Variants in ATP9B observed in about 807,000 individuals in gnomAD.
ATP9B encodes the protein ATPase phospholipid transporting 9B, also known as probable phospholipid-transporting ATPase IIB.
Under a neutral mutation model 146.1 loss-of-function variants are expected in ATP9B, and 110 were observed. The observed-to-expected ratio is 0.75, with a 90% confidence interval of 0.65 to 0.88. The LOEUF (loss-of-function observed/expected upper bound fraction) is 0.88, where lower values mean the gene tolerates loss of function less well. Ranked by LOEUF, ATP9B falls within the 40% of genes least tolerant of loss-of-function variation. ATP9B has a pLI of 0.00. For missense variants in ATP9B, 1,499 were observed against 1,496.4 expected (o/e 1.00, Z -0.03); for synonymous variants, 604 against 569.7 (o/e 1.06, Z -0.86).
chr18:79,125,654 T>C (rs2094272376), intron 4 of ATP9B, among the ~76,000 whole-genome samples: 1 of 152,162 alleles, frequency 6.6e-6, no homozygotes, highest in African/African-American at 2.4e-5. Flanking sequence ...TAGCTTCATA[T>C]TAGTGGTATA....
intron 1 of ATP9B, among the ~76,000 whole-genome samples, chr18:79,075,876 C>T (rs944247945): frequency 6.6e-6 from 1 of 152,148 alleles, no homozygotes; most frequent in African/African-American, 2.4e-5. Flanking sequence ...TATGCTTCAA[C>T]ATTTTTTAGA....
chr18:79,116,945 A>AAAAAAAAAAAAAAAAAT (rs2094093139), intron 4 of ATP9B, among the ~76,000 whole-genome samples: 1 of 136,620 alleles, frequency 7.3e-6, no homozygotes, highest in African/African-American at 2.6e-5. Flanking sequence ...AAAATTAAAA[A>AAAAAAAAAAAAAAAAAT]AAAAAAAAAA....
intron 8 of ATP9B, among the ~76,000 whole-genome samples, chr18:79,182,204 T>C (rs9954401): frequency 0.2 from 31,026 of 152,048 alleles, 4,381 homozygotes; most frequent in African/African-American, 0.41. Context: ...TCCTTGCTGG[T>C]TCACAGGTGC....
intron 15 of ATP9B, among the ~76,000 whole-genome samples, chr18:79,321,438 G>A (rs927449649): frequency 6.6e-6 from 1 of 151,222 alleles, no homozygotes; most frequent in East Asian, 1.9e-4. Context: ...GCTGGAGTGC[G>A]GTGGCACGAT....
intron 15 of ATP9B, among the ~76,000 whole-genome samples, chr18:79,322,114 G>C (rs1342179502): frequency 2.0e-5 from 3 of 152,062 alleles, no homozygotes; most frequent in African/African-American, 7.2e-5. Context: ...GCCTTTTTTG[G>C]TAATGTGGAG....
intron 15 of ATP9B, among the ~76,000 whole-genome samples, chr18:79,327,956 TGCTCTCCGTGGTTAGC>T (rs2096767736): frequency 7.4e-6 from 1 of 134,288 alleles, no homozygotes; most frequent in East Asian, 2.3e-4. Flanking sequence ...GTGGTTAGCG[TGCTCTCCGTGGTTAGC>T]GTGCTCTCTC....
At chr18:79,344,176 A>T in intron 20 of ATP9B, 89 bp from the exon 21 acceptor site, 3 of 1,203,228 alleles carry the variant, frequency 2.5e-6, no homozygotes, top group Non-Finnish European at 3.6e-6. Context: ...AGAACATTCC[A>T]CTGTGACTCT....
chr18:79,253,091 A>C (rs549794555), intron 11 of ATP9B, among the ~76,000 whole-genome samples: 26 of 152,078 alleles, frequency 1.7e-4, no homozygotes, highest in Non-Finnish European at 2.8e-4. Flanking sequence ...CTTGCGTTTC[A>C]CTTTGCCTGA....
chr18:79,359,537 C>T, intron 26 of ATP9B, 75 bp downstream of exon 26: 1 of 1,147,754 alleles, frequency 8.7e-7, no homozygotes, highest in Non-Finnish European at 1.3e-6. Flanking sequence ...GAGAAACAGG[C>T]CAGTCAGGAG....
rs552122971 is a variant in ATP9B at position 79,227,150 on chromosome 18, C to T, written c.1107+13112C>T. 5.9e-5 allele frequency among the ~76,000 whole-genome samples: 9 copies of T among 152,196 alleles called. No homozygotes were observed. The South Asian group carries it at 1.2e-3, about 21-fold the overall frequency. The stretch of plus-strand genomic sequence containing the variant: ...TTAAGCTTTAAGCTGGCCTCTCTGT[C>T]GTACTATCATGAACCCATCATTTTT... On this transcript the variant is annotated intron_variant, in intron 11 of 29. Coordinates refer to ENST00000426216, the MANE Select transcript of ATP9B (RefSeq NM_198531.5).
At chr18:79,192,674 A>T (rs191857172) in intron 8 of ATP9B, among the ~76,000 whole-genome samples, 1 of 152,352 alleles carries the variant, frequency 6.6e-6, no homozygotes, top group East Asian at 1.9e-4. Context: ...TGTCATGAGC[A>T]TGTGATTCAG....
chr18:79,182,537 G>A (rs2095262912), intron 8 of ATP9B, among the ~76,000 whole-genome samples: 1 of 151,966 alleles, frequency 6.6e-6, no homozygotes, highest in Non-Finnish European at 1.5e-5. Flanking sequence ...GGGCTTATGT[G>A]GGGCACATGG....
intron 11 of ATP9B, among the ~76,000 whole-genome samples, chr18:79,224,721 A>C (rs1262342459): frequency 6.6e-6 from 1 of 152,180 alleles, no homozygotes; most frequent in Non-Finnish European, 1.5e-5. Context: ...TCTGCTGAGC[A>C]TGTGTGCCAT....
At chr18:79,200,286 G>A (rs1187526534) in intron 9 of ATP9B, among the ~76,000 whole-genome samples, 2 of 152,188 alleles carry the variant, frequency 1.3e-5, no homozygotes, top group Non-Finnish European at 2.9e-5. Context: ...ATGTTGTTAT[G>A]TTGTACACGA....
chr18:79,074,412 G>A (rs1360485488), intron 1 of ATP9B, among the ~76,000 whole-genome samples: 1 of 152,186 alleles, frequency 6.6e-6, no homozygotes, highest in Non-Finnish European at 1.5e-5. Flanking sequence ...CCTATTGCTG[G>A]TGCCACCTCG....
chr18:79,288,902 C>G (rs907027755), intron 13 of ATP9B, among the ~76,000 whole-genome samples: 9 of 152,240 alleles, frequency 5.9e-5, no homozygotes, highest in Non-Finnish European at 8.8e-5. Flanking sequence ...ATGAAATTCT[C>G]GGTTGAAAAT....
In ATP9B at chr18:79,277,083, CG is replaced by C. The variant is rs755571505; in HGVS notation, c.1300del (p.Val434CysfsTer5). Reference protein sequence around the residue: ...SLRVNLDMGKAVYGWMMMKDE... With the variant: ...SLRVNLDMGKXVYGWMMMKDE... ...CGTGTGAACTTGGACATGGGCAAAGCGGTGTATGGATGGATGATGATGAAAG... is the reference window on the plus strand; with the variant it reads ...CGTGTGAACTTGGACATGGGCAAAGCGTGTATGGATGGATGATGATGAAAG... On this transcript the variant is annotated frameshift_variant, in exon 13 of 30. Coordinates refer to ENST00000426216, the MANE Select transcript of ATP9B (RefSeq NM_198531.5). LOFTEE classifies it high-confidence loss of function. The C allele has an allele frequency of 6.2e-7, 1 of 1,614,092 alleles. No individual in the cohort carries two copies.
chr18:79,247,169 C>G (rs1365618959), intron 11 of ATP9B, among the ~76,000 whole-genome samples: 1 of 152,198 alleles, frequency 6.6e-6, no homozygotes, highest in Non-Finnish European at 1.5e-5. Context: ...TTTGCATGTG[C>G]TGACCTTTCA....
chr18:79,113,207 A>T (rs2094004284), intron 3 of ATP9B, 34 bp from the exon 4 acceptor site: 1 of 1,294,068 alleles, frequency 7.7e-7, no homozygotes, highest in South Asian at 1.3e-5. Context: ...TTTTCCTTGA[A>T]GGAATTTTGT....
Sources: gnomAD v4.1 joint callset for allele counts (sites outside exome capture counted in the v4.1 genomes callset) on GRCh38, gnomAD v4.1.1 for gene constraint, MANE v1.5 for transcripts, NCBI Gene and HGNC (gene_info 2026-07-23, HGNC 2026-07-21) for gene names.